The following C4orf36 variants were observed in gnomAD, a reference collection of about 807,000 sequenced individuals.
C4orf36 encodes the protein chromosome 4 open reading frame 36, also known as uncharacterized protein C4orf36.
In C4orf36, 11 loss-of-function variants were observed where a neutral mutation model predicts 12.2. That is an observed-to-expected ratio of 0.90 (90% CI 0.57 to 1.49). The LOEUF is 1.49. Among genes scored for constraint, C4orf36 ranks in the 40% most tolerant of loss-of-function variants. C4orf36 has a pLI of 0.00. For missense variants in C4orf36, 137 were observed against 133.9 expected, an observed-to-expected ratio of 1.02 and a Z score of -0.11; for synonymous variants, 54 against 51.3, an observed-to-expected ratio of 1.05 and a Z score of -0.22.
the C4orf36 span, among the ~76,000 whole-genome samples, chr4:86,921,042 G>A: frequency 1.1e-4 from 17 of 151,978 alleles, no homozygotes; most frequent in East Asian, 7.8e-4. Flanking sequence ...GCACATGCCT[G>A]TAATCCCAGC....
the C4orf36 span, among the ~76,000 whole-genome samples, chr4:86,911,719 G>T: frequency 3.9e-5 from 6 of 152,152 alleles, no homozygotes; most frequent in East Asian, 7.7e-4. Flanking sequence ...ACAGGGTTTT[G>T]CTCTGTGCCC....
the C4orf36 span, among the ~76,000 whole-genome samples, chr4:86,921,027 T>C: frequency 6.6e-6 from 1 of 151,992 alleles, no homozygotes; most frequent in Admixed American, 6.6e-5. Context: ...TAACCGGGCA[T>C]GGTGGCACAT....
At chr4:86,912,642 A>G in the C4orf36 span, among the ~76,000 whole-genome samples, 4 of 152,188 alleles carry the variant, frequency 2.6e-5, no homozygotes, top group Admixed American at 2.6e-4. Flanking sequence ...TGCTATTGCT[A>G]TTGAGATGTC....
At chr4:86,915,220 C>G in the C4orf36 span, among the ~76,000 whole-genome samples, 1 of 152,244 alleles carries the variant, frequency 6.6e-6, no homozygotes, top group South Asian at 2.1e-4. Context: ...CTCCATCACC[C>G]ACTCCAGTTC....
chr4:86,922,373 A>T, the C4orf36 span, among the ~76,000 whole-genome samples: 6 of 152,250 alleles, frequency 3.9e-5, no homozygotes, highest in Non-Finnish European at 7.3e-5. Context: ...GGATATTGAC[A>T]GTATAGCCGT....
chr4:86,932,779 G>A, the C4orf36 span, among the ~76,000 whole-genome samples: 1 of 89,394 alleles, frequency 1.1e-5, no homozygotes, highest in South Asian at 4.4e-4. Context: ...GGGGTGGGGG[G>A]GTTCTGTTAA....
chr4:86,909,893 TAAAAAA>T, the C4orf36 span, among the ~76,000 whole-genome samples: 1 of 73,298 alleles, frequency 1.4e-5, no homozygotes, highest in East Asian at 4.4e-4. Context: ...GAGGAAGACT[TAAAAAA>T]AAAAAAAAAA....
the C4orf36 span, among the ~76,000 whole-genome samples, chr4:86,898,677 G>A: frequency 6.6e-6 from 1 of 151,878 alleles, no homozygotes; most frequent in Non-Finnish European, 1.5e-5. Context: ...TATTATAAAT[G>A]GAACACCTAT....
At chr4:86,911,754 A>G in the C4orf36 span, among the ~76,000 whole-genome samples, 18 of 151,542 alleles carry the variant, frequency 1.2e-4, no homozygotes, top group African/African-American at 4.4e-4. Flanking sequence ...TGGCACAATC[A>G]TGGCTCACTG....
chr4:86,919,149 A>AGAGAGAGAGAG, the C4orf36 span, among the ~76,000 whole-genome samples: 1 of 140,210 alleles, frequency 7.1e-6, no homozygotes, highest in African/African-American at 2.6e-5. Flanking sequence ...AGAGAGAGAG[A>AGAGAGAGAGAG]AATCCTTTTC....
At chr4:86,905,034 G>A in the C4orf36 span, among the ~76,000 whole-genome samples, 5 of 151,554 alleles carry the variant, frequency 3.3e-5, no homozygotes, top group Non-Finnish European at 5.9e-5. Flanking sequence ...CCAGGAGTTC[G>A]AGACCAGTCT....
the C4orf36 span, among the ~76,000 whole-genome samples, chr4:86,902,829 C>A: frequency 3.9e-5 from 6 of 152,142 alleles, no homozygotes; most frequent in Non-Finnish European, 7.3e-5. Context: ...TTTTGATCAT[C>A]ATCTATTGTT....
chr4:86,913,480 G>C, the C4orf36 span: 1 of 776,306 alleles, frequency 1.3e-6, no homozygotes, highest in Non-Finnish European at 2.3e-6. Flanking sequence ...GACATGTTGC[G>C]TTGGATGCTC....
chr4:86,885,610 G>A (rs1278465139), intron 4 of C4orf36, among the ~76,000 whole-genome samples: 1 of 152,090 alleles, frequency 6.6e-6, no homozygotes, highest in Non-Finnish European at 1.5e-5. Context: ...TGAGACGGTG[G>A]GGTTTTCTAG....
chr4:86,888,348 T>C, intron 2 of C4orf36, 73 bp from the exon 3 acceptor site: 1 of 1,420,852 alleles, frequency 7.0e-7, no homozygotes, highest in Non-Finnish European at 9.7e-7. Flanking sequence ...TAGAAGACAT[T>C]AATTCTCAGT....
At chr4:86,923,434 AC>A in the C4orf36 span, among the ~76,000 whole-genome samples, 1 of 151,790 alleles carries the variant, frequency 6.6e-6, no homozygotes, top group Non-Finnish European at 1.5e-5. Context: ...TTAATAGTTA[AC>A]CATGTTTTAT....
chr4:86,891,710 C>T, intron 1 of C4orf36, 117 bp from the exon 2 acceptor site: 2 of 970,942 alleles, frequency 2.1e-6, no homozygotes, highest in Non-Finnish European at 2.9e-6. Context: ...TGAACTGGAA[C>T]CCCAAGTGTA....
At chr4:86,896,116 A>G (rs1449932194), upstream of C4orf36, among the ~76,000 whole-genome samples, 1 of 152,176 alleles carries the variant, frequency 6.6e-6, no homozygotes, top group African/African-American at 2.4e-5. Flanking sequence ...GGATTTTAGG[A>G]ATATTAGAGA....
At chr4:86,920,671 G>C in the C4orf36 span, among the ~76,000 whole-genome samples, 1 of 152,150 alleles carries the variant, frequency 6.6e-6, no homozygotes, top group South Asian at 2.1e-4. Context: ...GCATGCTCAA[G>C]AGCAAAAGGG....
Sources: gnomAD v4.1 joint callset for allele counts (sites outside exome capture counted in the v4.1 genomes callset) on GRCh38, gnomAD v4.1.1 for gene constraint, MANE v1.5 for transcripts, NCBI Gene and HGNC (gene_info 2026-07-23, HGNC 2026-07-21) for gene names.